Variants in ADGRF5 observed in about 807,000 individuals in gnomAD.
The protein encoded by ADGRF5 is G-protein coupled receptor 116.
ADGRF5 carries 75 observed loss-of-function variants against 132.3 expected under a neutral mutation model. The ratio of observed to expected loss-of-function variants is 0.57; its 90% CI spans 0.47 to 0.69. The LOEUF is 0.69. ADGRF5 is among the 30% of genes least tolerant of loss of function. The pLI is 0.00. For missense variants in ADGRF5, 1,516 were observed against 1,630.6 expected (o/e 0.93, Z 1.21); for synonymous variants, 629 against 597.6 (o/e 1.05, Z -0.77).
intron 8 of ADGRF5, 118 bp downstream of exon 8, chr6:46,881,337 C>G: frequency 1.2e-6 from 1 of 805,972 alleles, no homozygotes; most frequent in East Asian, 2.5e-5. Context: ...TGGTACAGAA[C>G]CCCCTGTGCC....
Position 46,856,889 on chromosome 6 carries a change from A to C in ADGRF5, c.3794T>G (p.Phe1265Cys), listed in dbSNP as rs747700784. 13 of 1,609,696 alleles carry C rather than the reference A, an allele frequency of 8.1e-6. No homozygotes were observed. Among genetic ancestry groups the C allele is most frequent in the Non-Finnish European group, 1.1e-5 (13 of 1,177,894 alleles). ...TACCTTCAGATCCCAGAGGCATCCA[A>C]AGAGTAAAATGAATAATCCCTGAGA... ...NVFQGLFILLFGCLWDLKVQE... is the reference protein window; with the variant it reads ...NVFQGLFILLCGCLWDLKVQE... The change falls in exon 18 of 21, where the codon TTT becomes TGT. Residue 1265 changes from phenylalanine to cysteine, a missense_variant. This residue lies in a region of ADGRF5 where 571 missense variants were observed against 701.2 expected (regional missense o/e 0.81). Coordinates refer to ENST00000283296, the MANE Select transcript of ADGRF5 (RefSeq NM_001098518.2).
At chr6:46,857,349 C>G (rs112046063) in intron 17 of ADGRF5, among the ~76,000 whole-genome samples, 115 of 152,300 alleles carry the variant, frequency 7.6e-4, no homozygotes, top group African/African-American at 2.6e-3. Flanking sequence ...GTTCTTGGCA[C>G]AAGCATCCTG....
rs567646604 is a variant in ADGRF5 at position 46,881,553 on chromosome 6, G to T, written c.716C>A (p.Pro239Gln). 1 of 1,613,348 alleles carries T rather than the reference G, an allele frequency of 6.2e-7. No individual in the cohort carries two copies. The highest frequency in any genetic ancestry group is 1.7e-4 in the Middle Eastern group (1 of 6,060). ...VVTYEVKTTP[P>Q]SLELIHKANE... The stretch of plus-strand genomic sequence containing the variant: ...GGCTTTATGTATTAACTCAAGTGAT[G>T]GTGGTGTAGTCTTGACTTCATATGT... The change falls in exon 8 of 21, where the codon CCA (proline) becomes CAA (glutamine). Residue 239 changes from proline to glutamine, a missense_variant. Coordinates refer to ENST00000283296, the MANE Select transcript of ADGRF5 (RefSeq NM_001098518.2).
upstream of ADGRF5, among the ~76,000 whole-genome samples, chr6:46,922,898 G>A (rs574368325): frequency 5.9e-5 from 9 of 152,280 alleles, no homozygotes; most frequent in South Asian, 8.3e-4. Flanking sequence ...ATATGTGGCC[G>A]GGTACACATT....
intron 14 of ADGRF5, among the ~76,000 whole-genome samples, chr6:46,863,697 T>C (rs531464445): frequency 6.6e-6 from 1 of 152,288 alleles, no homozygotes; most frequent in South Asian, 2.1e-4. Flanking sequence ...GGACCCTGAC[T>C]CTGATGAGAC....
At chr6:46,909,320 CA>C (rs943057658) in intron 1 of ADGRF5, among the ~76,000 whole-genome samples, 50 of 152,294 alleles carry the variant, frequency 3.3e-4, no homozygotes, top group African/African-American at 1.1e-3. Context: ...AGAACATTAT[CA>C]GATGTCATTC....
At chr6:46,861,379 G>A (rs763988007) in intron 15 of ADGRF5, among the ~76,000 whole-genome samples, 29 of 151,996 alleles carry the variant, frequency 1.9e-4, no homozygotes, top group Non-Finnish European at 2.8e-4. Flanking sequence ...AATGTGTCCC[G>A]ACTTAGATGA....
chr6:46,911,843 AAGCTT>A (rs1275756093), intron 1 of ADGRF5, among the ~76,000 whole-genome samples: 1 of 152,176 alleles, frequency 6.6e-6, no homozygotes, highest in Non-Finnish European at 1.5e-5. Flanking sequence ...TGTCTCCATG[AAGCTT>A]AAAGTCTAAT....
chr6:46,926,756 T>C (rs1272775064), upstream of ADGRF5, among the ~76,000 whole-genome samples: 1 of 152,118 alleles, frequency 6.6e-6, no homozygotes, highest in Non-Finnish European at 1.5e-5. Context: ...TGACTCTTCC[T>C]CCCTCAGTCC....
rs111695926 is a variant in ADGRF5 at position 46,871,723 on chromosome 6, C to T, written c.1411+120G>A. On this transcript the variant is annotated intron_variant, in intron 11 of 20. Coordinates refer to ENST00000283296, the MANE Select transcript of ADGRF5 (RefSeq NM_001098518.2). Reference sequence around the variant, plus strand: ...TCTCCCATTGTGTGATTTGCCCTAACCACACTCCCTCTCTGTCCATTATTT... The same window carrying T: ...TCTCCCATTGTGTGATTTGCCCTAATCACACTCCCTCTCTGTCCATTATTT... 373 of 621,626 alleles carry T rather than the reference C, an allele frequency of 6.0e-4. 2 individuals are homozygous for T. In the African/African-American group the frequency reaches 6.0e-3, roughly 10 times the overall value. 38.5% of individuals were successfully genotyped at this position (621,626 alleles called of 1,614,324 possible). A position where few individuals can be genotyped will look rare whatever the true frequency, so the allele number is the denominator to read the frequency against.
At position 46,858,486 on chromosome 6, in the gene ADGRF5, T is replaced by G. The variant is rs1581721126; in HGVS notation, c.3417A>C (p.Pro1139=). The change falls in exon 17 of 21, where the codon CCA becomes CCC. Residue 1139 remains proline (P), a synonymous_variant. Transcript: ENST00000283296. ...AIAFCLGYGC[P]LAISVITLGA... ...CCAGCGTGATGACCGAGATGGCAAG[T>G]GGGCAGCCATAGCCAAGACAGAAGG... 1 of 1,613,578 alleles carries G rather than the reference T, an allele frequency of 6.2e-7. No homozygotes were observed. The highest frequency in any genetic ancestry group is 1.1e-5 in the South Asian group (1 of 91,026).
chr6:46,938,836 C>A (rs1047420876), intron 1 of ADGRF5, among the ~76,000 whole-genome samples: 1 of 151,940 alleles, frequency 6.6e-6, no homozygotes, highest in Non-Finnish European at 1.5e-5. Flanking sequence ...AAAGCCTCTC[C>A]CCAAAACTAG....
At position 46,878,285 on chromosome 6, in the gene ADGRF5, G is replaced by A. The variant is rs747204541; in HGVS notation, c.1157C>T (p.Pro386Leu). ...CTGACTGCAGCAGTTCAAAGATACAGGATTGTTGTCGCACATCACCTTCAT... is the reference window on the plus strand; with the variant it reads ...CTGACTGCAGCAGTTCAAAGATACAAGATTGTTGTCGCACATCACCTTCAT... ...EEMKVMCDNN[P>L]VSLNCCSQGN... The change falls in exon 10 of 21, where the codon CCT becomes CTT. Residue 386 changes from proline (P) to leucine (L), a missense_variant. This residue lies in a region of ADGRF5 where 945 missense variants were observed against 929.4 expected (regional missense o/e 1.02). Transcript: ENST00000283296. 3 of 1,613,556 alleles carry A rather than the reference G, an allele frequency of 1.9e-6. No individual in the cohort carries two copies. The highest frequency in any genetic ancestry group is 1.7e-5 in the Admixed American group (1 of 59,986).
intron 13 of ADGRF5, 139 bp from the exon 14 acceptor site, chr6:46,865,336 C>T (rs1296854035): frequency 1.6e-6 from 1 of 623,900 alleles, no homozygotes; most frequent in Admixed American, 3.2e-5. Flanking sequence ...CAGGTTTTAC[C>T]TCTGGGTTTT....
At chr6:46,871,118 G>A in intron 11 of ADGRF5, among the ~76,000 whole-genome samples, 1 of 152,098 alleles carries the variant, frequency 6.6e-6, no homozygotes. Context: ...GCTTATATCA[G>A]TCGTTTCTCT....
intron 2 of ADGRF5, among the ~76,000 whole-genome samples, chr6:46,905,948 A>G (rs1775317009): frequency 6.6e-6 from 1 of 152,234 alleles, no homozygotes; most frequent in African/African-American, 2.4e-5. Context: ...CATTGTACAG[A>G]TGAAGAAATT....
chr6:46,876,841 A>T (rs58540182), intron 10 of ADGRF5, among the ~76,000 whole-genome samples: 12,365 of 152,150 alleles, frequency 0.081, 604 homozygotes, highest in South Asian at 0.14. Flanking sequence ...TCAACCTCAG[A>T]TGATCCACCT....
At chr6:46,857,805 G>A (rs1769229034) in intron 17 of ADGRF5, among the ~76,000 whole-genome samples, 1 of 152,174 alleles carries the variant, frequency 6.6e-6, no homozygotes, top group African/African-American at 2.4e-5. Context: ...ACAAAGACAG[G>A]ATTTTCATTT....
At chr6:46,917,445 G>A (rs1015406208) in intron 1 of ADGRF5, among the ~76,000 whole-genome samples, 3 of 152,090 alleles carry the variant, frequency 2.0e-5, no homozygotes, top group Non-Finnish European at 2.9e-5. Flanking sequence ...GAATCTTAAC[G>A]TGCCTCTATT....
Sources: gnomAD v4.1 joint callset for allele counts (sites outside exome capture counted in the v4.1 genomes callset) on GRCh38, gnomAD v4.1.1 for gene constraint, gnomAD v4.1.1 regional missense constraint, MANE v1.5 for transcripts, NCBI Gene and HGNC (gene_info 2026-07-23, HGNC 2026-07-21) for gene names.